BAZ2B: variants seen among roughly 807,000 people sequenced by gnomAD.
BAZ2B encodes the protein bromodomain adjacent to zinc finger domain protein 2B.
In BAZ2B, 91 loss-of-function variants were observed where a neutral mutation model predicts 246.0. The ratio of observed to expected loss-of-function variants is 0.37; its 90% CI spans 0.31 to 0.44. The LOEUF is 0.44. Among genes scored for constraint, BAZ2B ranks in the 20% least tolerant of loss-of-function variants. BAZ2B has a pLI of 1.00. For synonymous variants in BAZ2B, 855 were observed against 860.0 expected, an observed-to-expected ratio of 0.99 and a Z score of 0.10; for missense variants, 2,332 against 2,533.7, an observed-to-expected ratio of 0.92 and a Z score of 1.71.
intron 36 of BAZ2B, 62 bp from the exon 37 acceptor site, chr2:159,320,480 G>T: frequency 7.2e-7 from 1 of 1,383,572 alleles, no homozygotes; most frequent in South Asian, 1.4e-5. Flanking sequence ...GTAAACAAAT[G>T]AAGAGTTAAT....
At chr2:159,461,926 G>C (rs1340395902) in intron 3 of BAZ2B, 2 of 153,500 alleles carry the variant, frequency 1.3e-5, no homozygotes, top group Non-Finnish European at 2.9e-5. Flanking sequence ...CAGTCAGAGG[G>C]AGAAGGATGA....
At chr2:159,709,158 A>C in the BAZ2B span, among the ~76,000 whole-genome samples, 1 of 147,098 alleles carries the variant, frequency 6.8e-6, no homozygotes, top group South Asian at 2.1e-4. Flanking sequence ...AAAAAAAAAG[A>C]AGCAGGGATC....
At position 159,402,415 on chromosome 2, in the gene BAZ2B, A is replaced by T. The variant is rs2065230185; in HGVS notation, c.2833-1751T>A. Reference sequence around the variant, plus strand: ...CAGTGAGCAGAGATCGTGCCACTGAATTCCAGCCTGGGCAACAGAGGGAGA... The same window carrying T: ...CAGTGAGCAGAGATCGTGCCACTGATTTCCAGCCTGGGCAACAGAGGGAGA... On this transcript the variant is annotated intron_variant, in intron 16 of 36. Transcript: ENST00000392783. 2.0e-5 allele frequency among the ~76,000 whole-genome samples: 3 copies of T among 152,200 alleles called. No individual in the cohort carries two copies. The South Asian group carries it at 6.2e-4, about 32-fold the overall frequency.
intron 3 of BAZ2B, among the ~76,000 whole-genome samples, chr2:159,468,780 A>C (rs7588242): frequency 0.86 from 130,646 of 152,202 alleles, 56,593 homozygotes; most frequent in East Asian, 0.93. Context: ...TGCGGTGGCT[A>C]ACGCCTGTAA....
rs923115674 is a variant in BAZ2B at position 159,325,528 on chromosome 2, A to G, written c.6209+125T>C. Reference sequence around the variant, plus strand: ...ACTTTTACTTATATATTTTCTTAACATTTATGCTTTACATTTTTTTATTTA... The same window carrying G: ...ACTTTTACTTATATATTTTCTTAACGTTTATGCTTTACATTTTTTTATTTA... On this transcript the variant is annotated intron_variant, in intron 35 of 36. Transcript: ENST00000392783. 3 of 1,066,652 alleles carry G rather than the reference A, an allele frequency of 2.8e-6. No individual in the cohort carries two copies. The African/African-American group carries it at 5.2e-5, about 18-fold the overall frequency. The allele number at this position is 1,066,652 out of a possible 1,614,324, so 66.1% of individuals were successfully genotyped here.
the BAZ2B span, among the ~76,000 whole-genome samples, chr2:159,682,599 T>C: frequency 2.0e-5 from 3 of 152,216 alleles, no homozygotes; most frequent in South Asian, 6.2e-4. Flanking sequence ...GGGGAGACAA[T>C]AGAAGATACT....
intron 3 of BAZ2B, among the ~76,000 whole-genome samples, chr2:159,467,836 G>A (rs1281203520): frequency 2.0e-5 from 3 of 152,154 alleles, no homozygotes. Flanking sequence ...TGGTTAACAA[G>A]AAGTAAAAAG....
chr2:159,509,792 T>G (rs2082723147), intron 2 of BAZ2B, among the ~76,000 whole-genome samples: 4 of 152,152 alleles, frequency 2.6e-5, no homozygotes, highest in Admixed American at 2.6e-4. Context: ...TATGTATATA[T>G]GTACATTTGT....
intron 2 of BAZ2B, among the ~76,000 whole-genome samples, chr2:159,492,601 GTCT>G (rs2080625524): frequency 6.6e-6 from 1 of 152,136 alleles, no homozygotes; most frequent in African/African-American, 2.4e-5. Context: ...ATGAAAATGT[GTCT>G]TCATTATTTA....
intron 13 of BAZ2B, among the ~76,000 whole-genome samples, chr2:159,416,731 A>G (rs2067789947): frequency 6.6e-6 from 1 of 152,228 alleles, no homozygotes; most frequent in Non-Finnish European, 1.5e-5. Flanking sequence ...TATAGTGACC[A>G]TATCATTCAC....
At chr2:159,442,287 A>T (rs2073558295) in intron 6 of BAZ2B, among the ~76,000 whole-genome samples, 1 of 152,174 alleles carries the variant, frequency 6.6e-6, no homozygotes, top group South Asian at 2.1e-4. Flanking sequence ...GCCACCAGCT[A>T]GAAGTGGGTT....
chr2:159,324,531 C>G (rs1288282281), intron 36 of BAZ2B, among the ~76,000 whole-genome samples: 2 of 151,954 alleles, frequency 1.3e-5, no homozygotes, highest in African/African-American at 2.4e-5. Context: ...TTGTGGTGCT[C>G]TTTCAATGTC....
intron 2 of BAZ2B, among the ~76,000 whole-genome samples, chr2:159,479,766 T>A (rs929209948): frequency 1.2e-4 from 19 of 152,160 alleles, no homozygotes; most frequent in Admixed American, 1.2e-3. Flanking sequence ...ATTTTTCTCA[T>A]AAGATAAGAT....
intron 2 of BAZ2B, among the ~76,000 whole-genome samples, chr2:159,553,392 CAAAAAAAAAAAA>C (rs35253250): frequency 1.4e-5 from 1 of 73,812 alleles, no homozygotes; most frequent in Non-Finnish European, 2.5e-5. Context: ...GACTCTGTCT[CAAAAAAAAAAAA>C]AAAAAAAAAA....
intron 2 of BAZ2B, among the ~76,000 whole-genome samples, chr2:159,523,374 C>G (rs922471893): frequency 3.0e-4 from 45 of 152,102 alleles, no homozygotes; most frequent in Admixed American, 2.8e-3. Context: ...TGCACTCTAG[C>G]CTGGGTGACA....
chr2:159,428,264 A>G (rs370063524), intron 12 of BAZ2B, 47 bp downstream of exon 12: 37 of 1,487,332 alleles, frequency 2.5e-5, no homozygotes, highest in Non-Finnish European at 3.2e-5. Flanking sequence ...GTACATGATC[A>G]TGCTTAATAG....
chr2:159,665,672 C>A, the BAZ2B span, among the ~76,000 whole-genome samples: 2 of 143,754 alleles, frequency 1.4e-5, no homozygotes, highest in South Asian at 4.6e-4. Context: ...AAACTGGATC[C>A]CTTCCTTACA....
At chr2:159,501,142 T>TATAATATATATAAA (rs1559628588) in intron 2 of BAZ2B, among the ~76,000 whole-genome samples, 69 of 24,934 alleles carry the variant, frequency 2.8e-3, no homozygotes, top group Non-Finnish European at 6.6e-3. Context: ...ATATATTTTA[T>TATAATATATATAAA]ATATATAATA....
intron 3 of BAZ2B, among the ~76,000 whole-genome samples, chr2:159,466,963 C>T (rs1440836301): frequency 4.6e-5 from 7 of 152,124 alleles, no homozygotes; most frequent in Non-Finnish European, 1.0e-4. Context: ...CCTGAGTACC[C>T]ACGAGCCAGT....
Sources: allele counts gnomAD v4.1 joint callset (sites outside exome capture counted in the v4.1 genomes callset), GRCh38; gene constraint gnomAD v4.1.1; transcripts MANE v1.5; gene names NCBI Gene and HGNC (gene_info 2026-07-23, HGNC 2026-07-21).